The following GPM6B variants were observed in gnomAD, a reference collection of about 807,000 sequenced individuals.
GPM6B encodes glycoprotein M6B, also known as neuronal membrane glycoprotein M6-b.
A neutral mutation model predicts 27.2 loss-of-function variants in GPM6B; 4 were observed. The observed-to-expected ratio is 0.15, with a 90% confidence interval of 0.07 to 0.34. The LOEUF is 0.34. Ranked by LOEUF, GPM6B falls within the 10% of genes least tolerant of loss-of-function variation. GPM6B has a pLI of 1.00. For missense variants in GPM6B, 183 were observed against 261.9 expected, an observed-to-expected ratio of 0.70 and a Z score of 2.08; for synonymous variants, 124 against 103.1, an observed-to-expected ratio of 1.20 and a Z score of -1.23.
rs113884681 is a variant in GPM6B, at chrX:13,855,027, T to C, written c.-197-69219A>G. Among the ~76,000 whole-genome samples, 8 of 56,717 alleles carry C rather than the reference T, an allele frequency of 1.4e-4. No individual in the cohort carries two copies. In the East Asian group the frequency reaches 3.1e-3, roughly 22 times the overall value. 49.3% of individuals were successfully genotyped at this position (56,717 alleles called of 115,157 possible). On this transcript the variant is annotated intron_variant, in intron 1 of 6. Coordinates refer to the GPM6B transcript ENST00000398361. ...CTTCCCTCATAGTTAGCCACTCCCC[T>C]TTTTTTTTTGACACAGAGTCTCGCT...
chrX:13,856,931 C>T (rs775951260), intron 1 of GPM6B, among the ~76,000 whole-genome samples: 2 of 111,438 alleles, frequency 1.8e-5, no homozygotes, highest in African/African-American at 3.3e-5. Flanking sequence ...TGAGTTCTTA[C>T]GGAAGCTCTA....
At chrX:13,832,359 T>C (rs1411316954) in intron 1 of GPM6B, among the ~76,000 whole-genome samples, 3 of 112,418 alleles carry the variant, frequency 2.7e-5, no homozygotes, top group African/African-American at 9.7e-5. Context: ...AGACAAAATA[T>C]TTGAAATTTA....
intron 1 of GPM6B, among the ~76,000 whole-genome samples, chrX:13,905,527 C>T (rs749013876): frequency 1.8e-5 from 2 of 111,754 alleles, no homozygotes; most frequent in Admixed American, 9.5e-5. Flanking sequence ...ATTGCACATA[C>T]GTAGGCCATC....
chrX:13,808,855 G>C (rs189654376), intron 1 of GPM6B, among the ~76,000 whole-genome samples: 5 of 111,908 alleles, frequency 4.5e-5, no homozygotes, highest in African/African-American at 1.6e-4. Context: ...CTGAAAACTT[G>C]TAAGGTATTT....
chrX:13,813,211 AGAG>A (rs1380299676), intron 1 of GPM6B, among the ~76,000 whole-genome samples: 1 of 111,354 alleles, frequency 9.0e-6, no homozygotes, highest in East Asian at 2.8e-4. Context: ...CGTATATTCT[AGAG>A]GAGTGCTTTT....
intron 1 of GPM6B, among the ~76,000 whole-genome samples, chrX:13,859,391 G>A (rs1832249800): frequency 9.0e-6 from 1 of 111,601 alleles, no homozygotes; most frequent in African/African-American, 3.3e-5. Context: ...ATGTTTTTGT[G>A]TGTATCCATG....
At chrX:13,855,590 A>G (rs1303999061) in intron 1 of GPM6B, among the ~76,000 whole-genome samples, 2 of 111,904 alleles carry the variant, frequency 1.8e-5, no homozygotes, top group East Asian at 2.8e-4. Flanking sequence ...CAGCATTTTC[A>G]TTTTCTAAAT....
At chrX:13,873,974 AC>A (rs1320766760) in intron 1 of GPM6B, among the ~76,000 whole-genome samples, 7 of 112,121 alleles carry the variant, frequency 6.2e-5, no homozygotes, top group African/African-American at 2.3e-4. Context: ...TGGCAAAAAA[AC>A]AGTCATCTTT....
chrX:13,776,383 C>T (rs984724430), intron 6 of GPM6B, 80 bp from the exon 7 acceptor site: 1 of 763,931 alleles, frequency 1.3e-6, no homozygotes, highest in Non-Finnish European at 1.9e-6. Context: ...GCTGCTTCAT[C>T]TGTCTCCTTT....
intron 1 of GPM6B, among the ~76,000 whole-genome samples, chrX:13,900,291 TTAA>T (rs1173596740): frequency 1.2e-4 from 13 of 111,952 alleles, no homozygotes; most frequent in Non-Finnish European, 2.3e-4. Context: ...TTTACACACA[TTAA>T]ATAGTTAAGA....
intron 1 of GPM6B, among the ~76,000 whole-genome samples, chrX:13,913,523 T>C (rs1285313420): frequency 9.0e-6 from 1 of 111,163 alleles, no homozygotes; most frequent in Non-Finnish European, 1.9e-5. Flanking sequence ...TCAATGTAAC[T>C]TCAAACTAGC....
At chrX:13,899,627 T>C (rs2050265298) in intron 1 of GPM6B, among the ~76,000 whole-genome samples, 1 of 110,438 alleles carries the variant, frequency 9.1e-6, no homozygotes, top group Non-Finnish European at 1.9e-5. Context: ...AAGTATGGAA[T>C]GGGAAAGACG....
At position 13,860,113 on chromosome X, in the gene GPM6B, A is replaced by C. The variant is rs750403456; in HGVS notation, c.-197-74305T>G. 1.2e-4 allele frequency among the ~76,000 whole-genome samples: 13 copies of C among 112,645 alleles called. No homozygotes were observed. The South Asian group carries it at 4.7e-3, about 41-fold the overall frequency. The stretch of plus-strand genomic sequence containing the variant: ...AAGCTAAGAAAAATATTTCACAGTG[A>C]GTTGAAAGAAAAACTATCAGTTGGC... On this transcript the variant is annotated intron_variant, in intron 1 of 6. Transcript: ENST00000398361.
At chrX:13,869,834 CA>C (rs1569274498) in intron 1 of GPM6B, among the ~76,000 whole-genome samples, 2 of 112,004 alleles carry the variant, frequency 1.8e-5, no homozygotes, top group Non-Finnish European at 3.8e-5. Flanking sequence ...TTAGCCTTGG[CA>C]CAATGCTGTT....
At chrX:13,777,566 G>A (rs2048437910) in intron 5 of GPM6B, 141 bp from the exon 6 acceptor site, 1 of 459,182 alleles carries the variant, frequency 2.2e-6, no homozygotes, top group African/African-American at 2.4e-5. Flanking sequence ...GCTGTCTGCA[G>A]AACAAGCATT....
chrX:13,791,214 T>C (rs1023033567), intron 2 of GPM6B, among the ~76,000 whole-genome samples: 2 of 110,861 alleles, frequency 1.8e-5, no homozygotes, highest in African/African-American at 6.6e-5. Flanking sequence ...GGTTTTTTTT[T>C]TTTCTTTCTT....
chrX:13,778,493 A>G (rs767031117), intron 5 of GPM6B, among the ~76,000 whole-genome samples: 1 of 111,977 alleles, frequency 8.9e-6, no homozygotes, highest in East Asian at 2.8e-4. Context: ...TTCCCCTTTA[A>G]TGCATAAGTT....
rs181062609 is a variant in GPM6B at position 13,903,087 on chromosome X, T to C, written c.-198+35240A>G. Among the ~76,000 whole-genome samples the C allele has an allele frequency of 3.6e-5, 4 of 112,133 alleles. No individual in the cohort carries two copies. The East Asian group carries it at 1.1e-3, about 32-fold the overall frequency. Reference sequence around the variant, plus strand: ...GGACCTCATTAAGGGCTAGCTGACTTAGACAGACTCACTCCCATACTTTGT... The same window carrying C: ...GGACCTCATTAAGGGCTAGCTGACTCAGACAGACTCACTCCCATACTTTGT... On this transcript the variant is annotated intron_variant, in intron 1 of 6. Coordinates refer to the GPM6B transcript ENST00000398361.
intron 1 of GPM6B, among the ~76,000 whole-genome samples, chrX:13,877,720 G>A (rs745992494): frequency 8.6e-4 from 89 of 103,943 alleles, no homozygotes; most frequent in Non-Finnish European, 1.5e-3. Flanking sequence ...AAGCTACTTG[G>A]GAGGCTGAGG....
Sources: gnomAD v4.1 joint callset for allele counts (sites outside exome capture counted in the v4.1 genomes callset) on GRCh38, gnomAD v4.1.1 for gene constraint, MANE v1.5 for transcripts, NCBI Gene and HGNC (gene_info 2026-07-23, HGNC 2026-07-21) for gene names.